Variants in IMMP2L observed in about 807,000 individuals in gnomAD.
IMMP2L encodes the protein inner mitochondrial membrane peptidase subunit 2.
In IMMP2L, 18 loss-of-function variants were observed where a neutral mutation model predicts 19.3. The observed-to-expected ratio is 0.93, with a 90% CI of 0.64 to 1.38. The LOEUF (loss-of-function observed/expected upper bound fraction) is 1.38, where lower values mean the gene tolerates loss of function less well. IMMP2L is among the 40% of genes most tolerant of loss of function. IMMP2L has a pLI of 0.00. For synonymous variants in IMMP2L, 76 were observed against 73.0 expected, an observed-to-expected ratio of 1.04 and a Z score of -0.21; for missense variants, 233 against 218.2, an observed-to-expected ratio of 1.07 and a Z score of -0.43.
In IMMP2L at chr7:111,393,197, T is replaced by G. The variant is rs1307112474; in HGVS notation, c.239+94041A>C. Among the ~76,000 whole-genome samples, 5 of 151,782 alleles carry G rather than the reference T, an allele frequency of 3.3e-5. 1 individual carries two copies. Among genetic ancestry groups the G allele is most frequent in the Non-Finnish European group, 7.4e-5 (5 of 67,938 alleles). ...ATAACCTCACTAGAACAAAAGATGC[T>G]CTCATCACCCTAATAACTCAGGAAA... On this transcript the variant is annotated intron_variant, in intron 3 of 5. Coordinates refer to ENST00000405709, the MANE Select transcript of IMMP2L (RefSeq NM_032549.4).
At chr7:111,169,834 A>G (rs1025373387) in intron 3 of IMMP2L, among the ~76,000 whole-genome samples, 5 of 151,930 alleles carry the variant, frequency 3.3e-5, no homozygotes, top group Admixed American at 3.3e-4. Context: ...GAAATGTCAC[A>G]GACTACACTG....
chr7:110,886,747 T>G (rs746638449), intron 4 of IMMP2L, 52 bp from the exon 5 acceptor site: 71 of 837,662 alleles, frequency 8.5e-5, no homozygotes, highest in Non-Finnish European at 1.4e-4. Context: ...GAGATCAAAC[T>G]GCTGGGCATA....
intron 3 of IMMP2L, among the ~76,000 whole-genome samples, chr7:111,457,532 T>C (rs1250345377): frequency 6.6e-6 from 1 of 152,188 alleles, no homozygotes; most frequent in Non-Finnish European, 1.5e-5. Context: ...CTTCTAGGTA[T>C]ACAAGATACT....
chr7:111,059,061 C>A (rs967554940), intron 3 of IMMP2L, among the ~76,000 whole-genome samples: 2 of 152,074 alleles, frequency 1.3e-5, no homozygotes, highest in African/African-American at 4.8e-5. Context: ...CGGCTCACTG[C>A]AACTTTTGCC....
intron 5 of IMMP2L, among the ~76,000 whole-genome samples, chr7:110,669,145 G>T (rs1791714263): frequency 6.7e-6 from 1 of 149,836 alleles, no homozygotes; most frequent in African/African-American, 2.5e-5. Flanking sequence ...TTATCTTTAA[G>T]GAATTAGCAC....
chr7:111,017,565 T>G (rs971383695), intron 3 of IMMP2L, among the ~76,000 whole-genome samples: 1 of 152,138 alleles, frequency 6.6e-6, no homozygotes, highest in African/African-American at 2.4e-5. Flanking sequence ...ATATGGAAAT[T>G]GTCTGACATC....
intron 3 of IMMP2L, among the ~76,000 whole-genome samples, chr7:111,071,225 C>CA (rs1563212582): frequency 6.6e-6 from 1 of 151,868 alleles, no homozygotes; most frequent in African/African-American, 2.4e-5. Flanking sequence ...CATACAAAAA[C>CA]AAAAAATAAA....
chr7:111,099,816 G>T (rs1297769308), intron 3 of IMMP2L: 1 of 151,638 alleles, frequency 6.6e-6, no homozygotes, highest in Admixed American at 6.6e-5. Context: ...AATAAAGAAG[G>T]ACATGTATAA....
intron 3 of IMMP2L, among the ~76,000 whole-genome samples, chr7:111,366,517 A>G (rs960931332): frequency 6.6e-5 from 10 of 152,108 alleles, no homozygotes; most frequent in Middle Eastern, 3.4e-3. Context: ...CTGGAGAGAA[A>G]CAAAAAGCAA....
intron 5 of IMMP2L, among the ~76,000 whole-genome samples, chr7:110,748,580 T>G (rs553822882): frequency 6.6e-4 from 100 of 152,220 alleles, no homozygotes; most frequent in African/African-American, 2.3e-3. Flanking sequence ...AAGAGAGGCC[T>G]CAGAAATAAT....
chr7:111,442,223 T>C (rs957806076), intron 3 of IMMP2L, among the ~76,000 whole-genome samples: 3 of 151,820 alleles, frequency 2.0e-5, no homozygotes, highest in Admixed American at 6.6e-5. Context: ...CACTGCAAAG[T>C]AGGGATTCCT....
rs763358824 is a variant in IMMP2L at position 111,521,457 on chromosome 7, T to C, written c.-2-8A>G. The C allele has an allele frequency of 5.7e-5, 91 of 1,585,180 alleles. No homozygotes were observed. The highest frequency in any genetic ancestry group is 8.2e-5 in the African/African-American group (6 of 72,882). The stretch of plus-strand genomic sequence containing the variant: ...CTTGTGACTGTGCCATACCTAAAAA[T>C]ACAAAGAAAACAACTATGAAATTAG... On this transcript the variant is annotated splice_region_variant and splice_polypyrimidine_tract_variant and intron_variant, in intron 1 of 5. Transcript: ENST00000405709.
chr7:111,078,241 G>A (rs573522583), intron 3 of IMMP2L, among the ~76,000 whole-genome samples: 10 of 152,126 alleles, frequency 6.6e-5, no homozygotes, highest in Non-Finnish European at 1.5e-4. Flanking sequence ...CTGAAGGAAT[G>A]AATGAAAAAA....
At chr7:111,450,920 A>C (rs914141121) in intron 3 of IMMP2L, among the ~76,000 whole-genome samples, 1 of 151,920 alleles carries the variant, frequency 6.6e-6, no homozygotes, top group African/African-American at 2.4e-5. Flanking sequence ...GGCACTTCTC[A>C]AAAGAAGACA....
intron 1 of IMMP2L, among the ~76,000 whole-genome samples, chr7:111,524,904 AT>A (rs1846693446): frequency 6.6e-6 from 1 of 152,054 alleles, no homozygotes; most frequent in East Asian, 1.9e-4. Context: ...CCATCCACTC[AT>A]CTACCCAGTC....
intron 4 of IMMP2L, among the ~76,000 whole-genome samples, chr7:110,917,574 G>T (rs1346532944): frequency 6.6e-6 from 1 of 152,102 alleles, no homozygotes; most frequent in Non-Finnish European, 1.5e-5. Context: ...TCTGACTCCA[G>T]TCCATGCTCC....
chr7:110,704,767 G>C (rs765697230), intron 5 of IMMP2L, among the ~76,000 whole-genome samples: 3 of 152,136 alleles, frequency 2.0e-5, no homozygotes, highest in Non-Finnish European at 4.4e-5. Context: ...AGTCTCTTGG[G>C]GGAAGAATTA....
At chr7:111,372,319 A>G (rs1830326603) in intron 3 of IMMP2L, among the ~76,000 whole-genome samples, 1 of 152,088 alleles carries the variant, frequency 6.6e-6, no homozygotes, top group Admixed American at 6.6e-5. Context: ...CACAACAAAG[A>G]AAACTTTGGA....
At chr7:111,212,849 C>T (rs1316086319) in intron 3 of IMMP2L, among the ~76,000 whole-genome samples, 1 of 152,210 alleles carries the variant, frequency 6.6e-6, no homozygotes, top group Admixed American at 6.5e-5. Flanking sequence ...CTGCCCACTG[C>T]ATTTCCCATC....
Sources: gnomAD v4.1 joint callset for allele counts (sites outside exome capture counted in the v4.1 genomes callset) on GRCh38, gnomAD v4.1.1 for gene constraint, MANE v1.5 for transcripts, NCBI Gene and HGNC (gene_info 2026-07-23, HGNC 2026-07-21) for gene names.